The following MYMX variants were observed in gnomAD, a reference collection of about 807,000 sequenced individuals.
MYMX encodes myomixer, myoblast fusion factor.
the MYMX span, among the ~76,000 whole-genome samples, chr6:44,208,787 C>T: frequency 6.6e-6 from 1 of 152,180 alleles, no homozygotes; most frequent in Admixed American, 6.6e-5. Flanking sequence ...TGCAGTCAAG[C>T]TCTGCCCACT....
At chr6:44,202,154 C>T in the MYMX span, among the ~76,000 whole-genome samples, 1 of 152,200 alleles carries the variant, frequency 6.6e-6, no homozygotes, top group African/African-American at 2.4e-5. Flanking sequence ...GCTATCATTC[C>T]TGCTTTCCCC....
At chr6:44,210,942 T>C in the MYMX span, among the ~76,000 whole-genome samples, 1 of 152,050 alleles carries the variant, frequency 6.6e-6, no homozygotes, top group African/African-American at 2.4e-5. Flanking sequence ...TCCAGTAAGC[T>C]ATAATCATGT....
the MYMX span, chr6:44,209,958 T>C: frequency 6.1e-5 from 9 of 148,018 alleles, no homozygotes; most frequent in Admixed American, 5.5e-4. Flanking sequence ...TATTTATTTA[T>C]TTATTTGAGA....
chr6:44,194,328 A>AG, the MYMX span, among the ~76,000 whole-genome samples: 1 of 152,090 alleles, frequency 6.6e-6, no homozygotes, highest in Non-Finnish European at 1.5e-5. Context: ...AGATGGGGCA[A>AG]GGGGGGAAGA....
At chr6:44,196,942 G>A in the MYMX span, among the ~76,000 whole-genome samples, 1 of 151,758 alleles carries the variant, frequency 6.6e-6, no homozygotes, top group Non-Finnish European at 1.5e-5. Context: ...TGGGTAAGAA[G>A]AGCAAAACTC....
Position 44,217,608 on chromosome 6 carries a change from G to A in MYMX, c.137G>A (p.Arg46Gln), listed in dbSNP as rs941012878. Residue 46 changes from arginine to glutamine, a missense_variant, in exon 2 of 2, where the codon CGA becomes CAA. By Grantham distance (43) the Arg-to-Gln change is conservative (BLOSUM62 1). Coordinates refer to ENST00000573382, the MANE Select transcript of MYMX (RefSeq NM_001315494.2). ...CGCCGCCTGGGCTCCCAGGACATGC[G>A]AGAGGCTTTGCTGGGCTGTCTGCTG... ...LARRLGSQDM[R>Q]EALLGCLLFI... 4.5e-5 allele frequency: 18 copies of A among 401,718 alleles called. No homozygotes were observed. The highest frequency in any genetic ancestry group is 7.1e-5 in the Non-Finnish European group (16 of 226,908). 24.9% of individuals were successfully genotyped at this position (401,718 alleles called of 1,614,324 possible).
chr6:44,213,778 G>C (rs1775726174), upstream of MYMX, among the ~76,000 whole-genome samples: 1 of 151,862 alleles, frequency 6.6e-6, no homozygotes, highest in Admixed American at 6.6e-5. Context: ...TAAAGATTTT[G>C]ACATTTTTTA....
the MYMX span, among the ~76,000 whole-genome samples, chr6:44,198,077 A>G: frequency 6.6e-6 from 1 of 151,910 alleles, no homozygotes; most frequent in South Asian, 2.1e-4. Flanking sequence ...TACTATTCTC[A>G]TAATTTAAAA....
chr6:44,206,281 G>C, the MYMX span, among the ~76,000 whole-genome samples: 1 of 152,060 alleles, frequency 6.6e-6, no homozygotes, highest in Non-Finnish European at 1.5e-5. Context: ...GCCCAGGCTA[G>C]AGTGCAGTGG....
the MYMX span, among the ~76,000 whole-genome samples, chr6:44,211,788 T>TTGTGTGTGTGTGTGTGTG: frequency 0.058 from 7,336 of 126,268 alleles, 292 homozygotes; most frequent in East Asian, 0.074. Flanking sequence ...CAGCTAGGTT[T>TTGTGTGTGTGTGTGTGTG]TGTGTGTGTG....
Position 44,217,856 on chromosome 6 carries a change from T to A in MYMX, c.*130T>A. ...TAGTGAGGGTTGTGCATGAGAGGGA[T>A]CTGCCACAGACATGCCTCTCCACTC... On this transcript the variant is annotated 3_prime_UTR_variant, in exon 2 of 2. Transcript: ENST00000573382. The A allele has an allele frequency of 2.5e-6, 1 of 399,548 alleles. No individual in the cohort carries two copies. The highest frequency in any genetic ancestry group is 4.4e-6 in the Non-Finnish European group (1 of 226,214). 24.8% of individuals were successfully genotyped at this position (399,548 alleles called of 1,614,324 possible).
At chr6:44,211,364 T>G in the MYMX span, among the ~76,000 whole-genome samples, 1 of 152,126 alleles carries the variant, frequency 6.6e-6, no homozygotes, top group Non-Finnish European at 1.5e-5. Flanking sequence ...AGGAAACTTA[T>G]AAGGTATAAG....
the MYMX span, among the ~76,000 whole-genome samples, chr6:44,211,105 T>A: frequency 6.6e-6 from 1 of 152,148 alleles, no homozygotes; most frequent in African/African-American, 2.4e-5. Flanking sequence ...TCTGTCTAAA[T>A]AAATAAATAA....
chr6:44,201,302 C>T, the MYMX span, among the ~76,000 whole-genome samples: 21,214 of 152,186 alleles, frequency 0.14, 1,747 homozygotes, highest in Middle Eastern at 0.23. Flanking sequence ...GCTAGAACTC[C>T]GCCCATTCCC....
chr6:44,215,677 C>A (rs1375748191), upstream of MYMX, among the ~76,000 whole-genome samples: 2 of 152,148 alleles, frequency 1.3e-5, no homozygotes, highest in African/African-American at 4.8e-5. Flanking sequence ...GGTGGAGCAC[C>A]TGAGGTCAGG....
the MYMX span, among the ~76,000 whole-genome samples, chr6:44,198,154 C>CTT: frequency 2.5e-3 from 201 of 79,784 alleles, 6 homozygotes; most frequent in African/African-American, 3.3e-3. Flanking sequence ...CCAAATTCCT[C>CTT]TTTTTTTTTT....
At chr6:44,195,471 T>A in the MYMX span, among the ~76,000 whole-genome samples, 2 of 150,430 alleles carry the variant, frequency 1.3e-5, no homozygotes, top group Admixed American at 6.6e-5. Flanking sequence ...AATTTTTTTT[T>A]TATGTGTGTG....
chr6:44,209,115 T>C, the MYMX span, among the ~76,000 whole-genome samples: 3,553 of 152,204 alleles, frequency 0.023, 132 homozygotes, highest in African/African-American at 0.08. Flanking sequence ...AGGCGCATGC[T>C]GCCACACCCA....
At chr6:44,216,413 G>A (rs184875485), upstream of MYMX, among the ~76,000 whole-genome samples, 2 of 152,096 alleles carry the variant, frequency 1.3e-5, no homozygotes, top group East Asian at 3.9e-4. Context: ...ACTTTGAGAG[G>A]TCGAGGCGGG....
Sources: allele counts gnomAD v4.1 joint callset (sites outside exome capture counted in the v4.1 genomes callset), GRCh38; gene constraint gnomAD v4.1.1; transcripts MANE v1.5; gene names NCBI Gene and HGNC (gene_info 2026-07-23, HGNC 2026-07-21).